The following QPCTL variants were observed in gnomAD, a reference collection of about 807,000 sequenced individuals.
QPCTL encodes the protein glutaminyl-peptide cyclotransferase-like protein.
Under a neutral mutation model 34.6 loss-of-function variants are expected in QPCTL, and 31 were observed. That is an observed-to-expected ratio of 0.90 (90% CI 0.67 to 1.21). The LOEUF (loss-of-function observed/expected upper bound fraction) is 1.21. Ranked by LOEUF, QPCTL falls within the 50% of genes most tolerant of loss-of-function variation. QPCTL has a pLI of 0.00. For missense variants in QPCTL, 474 were observed against 507.8 expected, an observed-to-expected ratio of 0.93 and a Z score of 0.64; for synonymous variants, 223 against 226.9, an observed-to-expected ratio of 0.98 and a Z score of 0.15.
At chr19:45,698,067 A>G (rs1967733746) in intron 3 of QPCTL, among the ~76,000 whole-genome samples, 1 of 151,996 alleles carries the variant, frequency 6.6e-6, no homozygotes, top group African/African-American at 2.4e-5. Flanking sequence ...ACATGGTGAA[A>G]GCTTGTCTCT....
chr19:45,693,601 G>A (rs1409453488), intron 2 of QPCTL, 45 bp downstream of exon 2: 2 of 1,540,774 alleles, frequency 1.3e-6, no homozygotes, highest in Non-Finnish European at 1.8e-6. Flanking sequence ...GCCCTCCAGG[G>A]AATGGGAAAT....
rs1366451089 is a variant in QPCTL at position 45,697,469 on chromosome 19, C to T, written c.634-1078C>T. On this transcript the variant is annotated intron_variant, in intron 3 of 6. Coordinates refer to ENST00000012049, the MANE Select transcript of QPCTL (RefSeq NM_017659.4). ...GAAAAAAAAGAAAAGAAAAGAAAAA[C>T]ACAGATTTAATCATGCTCCTGCCCT... is the stretch of plus-strand genomic sequence containing the variant. Among the ~76,000 whole-genome samples the T allele has an allele frequency of 8.6e-5, 13 of 151,174 alleles. No homozygotes were observed. In the South Asian group the frequency reaches 1.3e-3, roughly 15 times the overall value.
At chr19:45,694,639 T>G (rs1967654564) in intron 2 of QPCTL, among the ~76,000 whole-genome samples, 1 of 151,396 alleles carries the variant, frequency 6.6e-6, no homozygotes, top group African/African-American at 2.4e-5. Context: ...CCTGGCTAAT[T>G]TTTTGTATTT....
chr19:45,697,253 C>T (rs572886457), intron 3 of QPCTL, among the ~76,000 whole-genome samples: 1 of 151,874 alleles, frequency 6.6e-6, no homozygotes. Context: ...AGTGAAACCC[C>T]GTCTCTACTA....
chr19:45,697,351 G>T (rs575469984), intron 3 of QPCTL, among the ~76,000 whole-genome samples: 1 of 150,418 alleles, frequency 6.6e-6, no homozygotes, highest in Non-Finnish European at 1.5e-5. Flanking sequence ...GCGTGAACTC[G>T]GGAGGCAGAG....
At chr19:45,701,301 A>G (rs767819785) in intron 5 of QPCTL, among the ~76,000 whole-genome samples, 9 of 149,520 alleles carry the variant, frequency 6.0e-5, no homozygotes, top group Non-Finnish European at 1.2e-4. Flanking sequence ...TTGGAGACAG[A>G]ATCTTACTCT....
chr19:45,697,295 G>A (rs79953177), intron 3 of QPCTL, among the ~76,000 whole-genome samples: 8,709 of 150,976 alleles, frequency 0.058, 687 homozygotes, highest in East Asian at 0.33. Context: ...GCGTGGTGGC[G>A]GGCGCCTGTA....
rs751495213 is a variant in QPCTL, at chr19:45,702,885, G to T, written c.1004-19G>T. 2 of 1,613,922 alleles carry T rather than the reference G, an allele frequency of 1.2e-6. No individual in the cohort carries two copies. Among genetic ancestry groups the T allele is most frequent in the Non-Finnish European group, 1.7e-6 (2 of 1,179,904 alleles). On this transcript the variant is annotated intron_variant, in intron 6 of 6. Transcript: ENST00000012049. ...GGTGGGCTGCAGTGGACCTGACAAAGTCTCCTCTGTCACTTCAGGGGTACC... is the reference window on the plus strand; with the variant it reads ...GGTGGGCTGCAGTGGACCTGACAAATTCTCCTCTGTCACTTCAGGGGTACC...
chr19:45,698,949 A>G, intron 5 of QPCTL, 49 bp downstream of exon 5: 1 of 1,550,334 alleles, frequency 6.5e-7, no homozygotes. Context: ...GGTATGGGGT[A>G]CAGGGCGGTG....
At chr19:45,696,312 G>A (rs950624167) in intron 3 of QPCTL, among the ~76,000 whole-genome samples, 2 of 152,078 alleles carry the variant, frequency 1.3e-5, no homozygotes, top group Admixed American at 1.3e-4. Flanking sequence ...TGCTTTTCTG[G>A]CCAGGCTCCG....
Position 45,703,160 on chromosome 19 carries a change from C to T in QPCTL, c.*111C>T. On this transcript the variant is annotated 3_prime_UTR_variant, in exon 7 of 7. Coordinates refer to ENST00000012049, the MANE Select transcript of QPCTL (RefSeq NM_017659.4). ...GTGTGCTGGTTTGTCCTTTTCATAC[C>T]TTTGTCTCCTAATTGTGCTACAATT... is the stretch of plus-strand genomic sequence containing the variant. 7.5e-7 allele frequency: 1 copy of T among 1,330,388 alleles called. No homozygotes were observed. Among genetic ancestry groups the T allele is most frequent in the Admixed American group, 2.2e-5 (1 of 46,478 alleles). 82.4% of individuals were successfully genotyped at this position (1,330,388 alleles called of 1,614,324 possible).
rs199689873 is a variant in QPCTL, at chr19:45,695,619, G to A, written c.534G>A (p.Ser178=). 1.3e-5 allele frequency: 21 copies of A among 1,613,960 alleles called. No individual in the cohort carries two copies. Among genetic ancestry groups the A allele is most frequent in the Admixed American group, 3.3e-5 (2 of 59,992 alleles). The change falls in exon 3 of 7, where the codon TCG becomes TCA. Residue 178 remains serine, a synonymous_variant. Coordinates refer to ENST00000012049, the MANE Select transcript of QPCTL (RefSeq NM_017659.4). ...HYDSKLFPPG[S]TPFVGATDSA... ...ACTCGAAGCTCTTCCCACCCGGATCGACCCCCTTTGTAGGGGCCACGGATT... is the reference window on the plus strand; with the variant it reads ...ACTCGAAGCTCTTCCCACCCGGATCAACCCCCTTTGTAGGGGCCACGGATT...
intron 5 of QPCTL, among the ~76,000 whole-genome samples, chr19:45,700,957 C>CAAAAAA (rs773396546): frequency 4.3e-5 from 2 of 46,778 alleles, no homozygotes; most frequent in Non-Finnish European, 9.3e-5. Flanking sequence ...GACTCTGTCT[C>CAAAAAA]AAAAAAAAAA....
intron 4 of QPCTL, 26 bp downstream of exon 4, chr19:45,698,725 G>C: frequency 6.2e-7 from 1 of 1,613,782 alleles, no homozygotes; most frequent in Non-Finnish European, 8.5e-7. Context: ...CCTGGCTTCT[G>C]GCGAGGGAGG....
rs1394089984 is a variant in QPCTL at position 45,701,964 on chromosome 19, A to G, written c.1003+50A>G. 2.0e-6 allele frequency: 3 copies of G among 1,481,554 alleles called. No homozygotes were observed. In the Admixed American group the frequency reaches 5.1e-5, roughly 25 times the overall value. The allele number at this position is 1,481,554 out of a possible 1,614,324, so 91.8% of individuals were successfully genotyped here. On this transcript the variant is annotated intron_variant, in intron 6 of 6. Transcript: ENST00000012049. Reference sequence around the variant, plus strand: ...GGGTGGGTGTCCAAGGAAGCCACAAATTGGAACTGGCCAAGTCCCCTTCCC... The same window carrying G: ...GGGTGGGTGTCCAAGGAAGCCACAAGTTGGAACTGGCCAAGTCCCCTTCCC...
intron 2 of QPCTL, 32 bp from the exon 3 acceptor site, chr19:45,695,405 C>G (rs780821530): frequency 1.3e-6 from 2 of 1,586,514 alleles, no homozygotes; most frequent in African/African-American, 1.3e-5. Context: ...CCCCAGTCCC[C>G]GTCCACCCTC....
Position 45,695,421 on chromosome 19 carries a change from T to C in QPCTL, c.352-16T>C. On this transcript the variant is annotated splice_polypyrimidine_tract_variant and intron_variant, in intron 2 of 6. Coordinates refer to ENST00000012049, the MANE Select transcript of QPCTL (RefSeq NM_017659.4). ...CCCAGTCCCCGTCCACCCTCCCACC[T>C]CTCTCTTGCCGCTAGTTCCTGGAGG... 1.6e-6 allele frequency: 2 copies of C among 1,283,068 alleles called. No homozygotes were observed. The highest frequency in any genetic ancestry group is 1.1e-6 in the Non-Finnish European group (1 of 949,394). 79.5% of individuals were successfully genotyped at this position (1,283,068 alleles called of 1,614,324 possible).
chr19:45,692,995 G>T, intron 1 of QPCTL, 85 bp downstream of exon 1: 2 of 1,351,970 alleles, frequency 1.5e-6, no homozygotes, highest in South Asian at 2.7e-5. Flanking sequence ...TTTAGCGTAC[G>T]GCCCTAACCG....
rs376183871 is a variant in QPCTL, at chr19:45,703,079, T to A, written c.*30T>A. On this transcript the variant is annotated 3_prime_UTR_variant, in exon 7 of 7. Coordinates refer to ENST00000012049, the MANE Select transcript of QPCTL (RefSeq NM_017659.4). ...CTTGGCCAATGACTGTGGAGAGGAC[T>A]GTGAGAGAGAAGGTCCCAGCGGGGG... 1 of 1,613,572 alleles carries A rather than the reference T, an allele frequency of 6.2e-7. No homozygotes were observed. The highest frequency in any genetic ancestry group is 8.5e-7 in the Non-Finnish European group (1 of 1,179,536).
Sources: allele counts gnomAD v4.1 joint callset (sites outside exome capture counted in the v4.1 genomes callset), GRCh38; gene constraint gnomAD v4.1.1; transcripts MANE v1.5; gene names NCBI Gene and HGNC (gene_info 2026-07-23, HGNC 2026-07-21).